EXOC4: variants seen among roughly 807,000 people sequenced by gnomAD.
The protein encoded by EXOC4 is SEC8-like 1.
A neutral mutation model predicts 107.2 loss-of-function variants in EXOC4; 71 were observed. The observed-to-expected ratio is 0.66, with a 90% CI of 0.55 to 0.81. The LOEUF (loss-of-function observed/expected upper bound fraction) is 0.81, where lower values mean the gene tolerates loss of function less well. EXOC4 is among the 30% of genes least tolerant of loss of function. The probability of loss-of-function intolerance (pLI) is 0.00; values close to 1 mark genes in which losing one functional copy is unlikely to be tolerated. For synonymous variants in EXOC4, 456 were observed against 441.2 expected (o/e 1.03, Z -0.42); for missense variants, 1,108 against 1,189.6 (o/e 0.93, Z 1.01).
chr7:133,993,303 A>G (rs2116256279), intron 14 of EXOC4, among the ~76,000 whole-genome samples: 1 of 152,282 alleles, frequency 6.6e-6, no homozygotes, highest in African/African-American at 2.4e-5. Context: ...GAATTGACTC[A>G]ATGTTACATG....
At chr7:133,611,499 C>T (rs975039754) in intron 9 of EXOC4, among the ~76,000 whole-genome samples, 3 of 152,110 alleles carry the variant, frequency 2.0e-5, no homozygotes, top group Non-Finnish European at 2.9e-5. Context: ...CATTGTACTT[C>T]GGATAAAAAA....
At chr7:133,909,303 A>T (rs1799636533) in intron 12 of EXOC4, among the ~76,000 whole-genome samples, 1 of 152,214 alleles carries the variant, frequency 6.6e-6, no homozygotes. Flanking sequence ...AGGGAGCTAG[A>T]TAATAATCAA....
chr7:133,781,173 C>T (rs960350801), intron 10 of EXOC4, among the ~76,000 whole-genome samples: 11 of 152,226 alleles, frequency 7.2e-5, no homozygotes, highest in Middle Eastern at 3.4e-3. Context: ...AGCAAAATTC[C>T]CTTCTAAGTG....
At chr7:133,270,772 G>A (rs1373307532) in intron 1 of EXOC4, among the ~76,000 whole-genome samples, 6 of 152,138 alleles carry the variant, frequency 3.9e-5, no homozygotes, top group Admixed American at 3.9e-4. Context: ...CCTGGCTGGT[G>A]GGGTGAGCTC....
At chr7:133,344,306 GGTT>G (rs1392049578) in intron 5 of EXOC4, among the ~76,000 whole-genome samples, 1 of 152,082 alleles carries the variant, frequency 6.6e-6, no homozygotes, top group Non-Finnish European at 1.5e-5. Flanking sequence ...TGTGCTTCAT[GGTT>G]GTTTTGTTGA....
chr7:133,338,847 G>A (rs7795935), intron 5 of EXOC4, among the ~76,000 whole-genome samples: 44,191 of 148,698 alleles, frequency 0.3, 7,405 homozygotes, highest in African/African-American at 0.46. Flanking sequence ...TCTGCTTCCC[G>A]GTTCAAGTGA....
chr7:133,746,709 G>A (rs1274694167), intron 10 of EXOC4, among the ~76,000 whole-genome samples: 2 of 152,114 alleles, frequency 1.3e-5, no homozygotes, highest in Admixed American at 1.3e-4. Flanking sequence ...GGATTGTAAC[G>A]ATACACACAG....
Position 133,503,487 on chromosome 7 carries a change from C to T in EXOC4, c.1417+23349C>T, listed in dbSNP as rs114847943. Among the ~76,000 whole-genome samples, 838 of 152,206 alleles carry T rather than the reference C, an allele frequency of 5.5e-3. 9 individuals carry two copies. Among genetic ancestry groups the T allele is most frequent in the African/African-American group, 0.019 (791 of 41,532 alleles). On this transcript the variant is annotated intron_variant, in intron 9 of 17. Transcript: ENST00000253861. ...TTATTTGTCAGTCTTGCTTAATCCTCCTTCCTTTGTTGATGAAGAGTATCT... is the reference window on the plus strand; with the variant it reads ...TTATTTGTCAGTCTTGCTTAATCCTTCTTCCTTTGTTGATGAAGAGTATCT...
intron 7 of EXOC4, among the ~76,000 whole-genome samples, chr7:133,426,624 C>G (rs1263802207): frequency 6.6e-6 from 1 of 152,202 alleles, no homozygotes; most frequent in Admixed American, 6.5e-5. Flanking sequence ...AAAACTGTTA[C>G]CATGTCTTGC....
chr7:133,501,219 C>A (rs1799570028), intron 9 of EXOC4, among the ~76,000 whole-genome samples: 1 of 152,112 alleles, frequency 6.6e-6, no homozygotes, highest in African/African-American at 2.4e-5. Flanking sequence ...GCTAAAAATT[C>A]TAAATTGTTG....
rs546882136 is a variant in EXOC4 at position 133,922,573 on chromosome 7, G to A, written c.2027+4835G>A. ...TTAAAAAATTTATACATGGCCGGGCGCGGTGGCTCATGCCTGTAATCCCAG... is the reference window on the plus strand; with the variant it reads ...TTAAAAAATTTATACATGGCCGGGCACGGTGGCTCATGCCTGTAATCCCAG... On this transcript the variant is annotated intron_variant, in intron 13 of 17. Coordinates refer to ENST00000253861, the MANE Select transcript of EXOC4 (RefSeq NM_021807.4). 1.6e-4 allele frequency among the ~76,000 whole-genome samples: 25 copies of A among 152,190 alleles called. No homozygotes were observed. The South Asian group carries it at 2.5e-3, about 15-fold the overall frequency.
intron 9 of EXOC4, chr7:133,601,971 A>T (rs1454536167): frequency 6.6e-6 from 1 of 152,218 alleles, no homozygotes; most frequent in Non-Finnish European, 1.5e-5. Flanking sequence ...TCCAATCCAG[A>T]TCCTGCACCT....
At chr7:133,855,118 T>TATATCTAA (rs1798338649) in intron 11 of EXOC4, among the ~76,000 whole-genome samples, 3 of 94,884 alleles carry the variant, frequency 3.2e-5, no homozygotes, top group African/African-American at 5.0e-5. Context: ...TATATAAATA[T>TATATCTAA]ATATATATAA....
intron 10 of EXOC4, among the ~76,000 whole-genome samples, chr7:133,789,941 C>T (rs1796669427): frequency 6.6e-6 from 1 of 152,172 alleles, no homozygotes; most frequent in Non-Finnish European, 1.5e-5. Context: ...GGACTTGCCC[C>T]TCTTTCTGGA....
intron 7 of EXOC4, among the ~76,000 whole-genome samples, chr7:133,380,913 C>G (rs1224584547): frequency 6.6e-6 from 1 of 152,166 alleles, no homozygotes; most frequent in Non-Finnish European, 1.5e-5. Flanking sequence ...GCTCTGAGGC[C>G]AAGATATGGC....
chr7:133,468,373 G>A (rs1798784376), intron 7 of EXOC4, among the ~76,000 whole-genome samples: 1 of 151,820 alleles, frequency 6.6e-6, no homozygotes, highest in African/African-American at 2.4e-5. Flanking sequence ...TATACAACGG[G>A]GAAATTAGAC....
At chr7:133,498,533 C>T (rs146823376) in intron 9 of EXOC4, among the ~76,000 whole-genome samples, 6 of 152,162 alleles carry the variant, frequency 3.9e-5, no homozygotes, top group Admixed American at 2.0e-4. Flanking sequence ...TGCAGTGAGC[C>T]GAGATCATGC....
intron 5 of EXOC4, among the ~76,000 whole-genome samples, chr7:133,333,807 A>G (rs1452837167): frequency 6.6e-6 from 1 of 152,192 alleles, no homozygotes; most frequent in Admixed American, 6.5e-5. Flanking sequence ...CAATAGTGAG[A>G]AACCTGGTTC....
chr7:133,417,475 A>G (rs1213348245), intron 7 of EXOC4, among the ~76,000 whole-genome samples: 14 of 152,306 alleles, frequency 9.2e-5, no homozygotes, highest in Non-Finnish European at 2.9e-5. Flanking sequence ...GGGTAAAAAA[A>G]TCTCATTTAT....
Sources: allele counts gnomAD v4.1 joint callset (sites outside exome capture counted in the v4.1 genomes callset), GRCh38; gene constraint gnomAD v4.1.1; transcripts MANE v1.5; gene names NCBI Gene and HGNC (gene_info 2026-07-23, HGNC 2026-07-21).